Variants in MACROD2 observed in about 807,000 individuals in gnomAD.
The protein encoded by MACROD2 is mono-ADP ribosylhydrolase 2, also known as ADP-ribose glycohydrolase MACROD2.
MACROD2 carries 36 observed loss-of-function variants against 70.4 expected under a neutral mutation model. That is an observed-to-expected ratio of 0.51 (90% CI 0.39 to 0.68). The LOEUF (loss-of-function observed/expected upper bound fraction) is 0.68, where lower values mean the gene tolerates loss of function less well. Among genes scored for constraint, MACROD2 ranks in the 30% least tolerant of loss-of-function variants. The pLI is 0.00. For missense variants in MACROD2, 496 were observed against 538.4 expected, an observed-to-expected ratio of 0.92 and a Z score of 0.78; for synonymous variants, 172 against 178.8, an observed-to-expected ratio of 0.96 and a Z score of 0.30.
At chr20:14,375,402 G>A (rs1009080945) in intron 3 of MACROD2, among the ~76,000 whole-genome samples, 13 of 152,146 alleles carry the variant, frequency 8.5e-5, no homozygotes, top group African/African-American at 3.1e-4. Flanking sequence ...AAACATTAAA[G>A]GATACCCTGT....
chr20:14,713,691 A>G (rs1263093977), intron 5 of MACROD2, among the ~76,000 whole-genome samples: 1 of 152,210 alleles, frequency 6.6e-6, no homozygotes, highest in Non-Finnish European at 1.5e-5. Flanking sequence ...AAAAATATAC[A>G]ATAGGGCACT....
chr20:15,592,960 C>T (rs943445517), intron 8 of MACROD2, among the ~76,000 whole-genome samples: 1 of 151,894 alleles, frequency 6.6e-6, no homozygotes, highest in Non-Finnish European at 1.5e-5. Context: ...CAGAAGGAAC[C>T]CTTATGCCCC....
At position 15,233,983 on chromosome 20, in the gene MACROD2, T is replaced by TATATATATATATATATA. The variant is rs2076984620; in HGVS notation, c.540+3922_540+3923insATATATATATATATATA. Among the ~76,000 whole-genome samples the TATATATATATATATATA allele has an allele frequency of 6.8e-5, 3 of 44,016 alleles. 1 individual carries two copies. The highest frequency in any genetic ancestry group is 2.7e-4 in the African/African-American group (3 of 11,068). 28.9% of individuals were successfully genotyped at this position (44,016 alleles called of 152,430 possible). On this transcript the variant is annotated intron_variant, in intron 6 of 17. Transcript: ENST00000684519. ...AAAATTTATTTTTATATATATTTATTTATATATATATATATATATATATAT... is the reference window on the plus strand; with the variant it reads ...AAAATTTATTTTTATATATATTTATTATATATATATATATATATATATATATATATATATATATATAT...
chr20:14,796,928 T>C (rs2072516405), intron 5 of MACROD2, among the ~76,000 whole-genome samples: 1 of 152,060 alleles, frequency 6.6e-6, no homozygotes, highest in Admixed American at 6.6e-5. Flanking sequence ...CTCAACATTT[T>C]CTCTTAGATA....
intron 10 of MACROD2, among the ~76,000 whole-genome samples, chr20:15,907,703 T>C (rs2065169109): frequency 6.6e-6 from 1 of 152,210 alleles, no homozygotes; most frequent in Non-Finnish European, 1.5e-5. Context: ...CTAATTCTTC[T>C]CATTGGTGGT....
chr20:14,019,626 C>T (rs1356447243), intron 2 of MACROD2, among the ~76,000 whole-genome samples: 2 of 151,956 alleles, frequency 1.3e-5, no homozygotes, highest in Admixed American at 6.6e-5. Context: ...GGAATGGGTG[C>T]TGCTGATTGG....
chr20:15,333,126 G>C (rs749200059), intron 6 of MACROD2, among the ~76,000 whole-genome samples: 1 of 151,594 alleles, frequency 6.6e-6, no homozygotes, highest in Non-Finnish European at 1.5e-5. Context: ...ATGGTTCCCA[G>C]AGTGCAGTCC....
intron 5 of MACROD2, among the ~76,000 whole-genome samples, chr20:14,882,122 C>G (rs1343163617): frequency 2.6e-5 from 4 of 152,184 alleles, no homozygotes; most frequent in Admixed American, 2.0e-4. Flanking sequence ...CAGTCATGCC[C>G]TTATCCCACA....
intron 4 of MACROD2, among the ~76,000 whole-genome samples, chr20:14,641,269 C>T (rs1985075885): frequency 1.3e-5 from 2 of 152,276 alleles, no homozygotes; most frequent in Middle Eastern, 3.4e-3. Flanking sequence ...ATTTAGGCTC[C>T]ACATCTTCAG....
intron 6 of MACROD2, among the ~76,000 whole-genome samples, chr20:15,377,515 TCA>T (rs1255600774): frequency 2.0e-5 from 3 of 152,242 alleles, no homozygotes; most frequent in African/African-American, 7.2e-5. Flanking sequence ...TTAGTATTTC[TCA>T]TTTATCTTTC....
intron 3 of MACROD2, among the ~76,000 whole-genome samples, chr20:14,200,948 G>T (rs199878839): frequency 1.6e-4 from 23 of 143,504 alleles, no homozygotes; most frequent in Admixed American, 4.1e-4. Context: ...TGCTGGTAAT[G>T]TTTTTTTTTT....
intron 15 of MACROD2, among the ~76,000 whole-genome samples, chr20:16,002,878 T>C (rs1258672934): frequency 6.6e-6 from 1 of 152,184 alleles, no homozygotes; most frequent in African/African-American, 2.4e-5. Flanking sequence ...TCCTAGACTT[T>C]CCCACTGTCT....
chr20:14,515,713 G>T (rs950386255), intron 4 of MACROD2, among the ~76,000 whole-genome samples: 1 of 151,962 alleles, frequency 6.6e-6, no homozygotes, highest in African/African-American at 2.4e-5. Flanking sequence ...TGGGGATTTG[G>T]AGAGAAGAGG....
intron 5 of MACROD2, among the ~76,000 whole-genome samples, chr20:14,983,713 C>G (rs1336143894): frequency 6.6e-6 from 1 of 152,108 alleles, no homozygotes; most frequent in Non-Finnish European, 1.5e-5. Context: ...GTAAATTGCC[C>G]AGTCTCGGGT....
chr20:14,317,728 C>T (rs1046085813), intron 3 of MACROD2, among the ~76,000 whole-genome samples: 1 of 152,014 alleles, frequency 6.6e-6, no homozygotes, highest in African/African-American at 2.4e-5. Flanking sequence ...TGAACAGATA[C>T]TCAGTACATC....
chr20:15,552,568 A>G (rs943424107), intron 8 of MACROD2: 2 of 152,244 alleles, frequency 1.3e-5, no homozygotes, highest in African/African-American at 4.8e-5. Flanking sequence ...TGCAGCCTTC[A>G]TGGACAGTTC....
chr20:16,045,127 C>A (rs1057186053), intron 17 of MACROD2, among the ~76,000 whole-genome samples: 16 of 152,052 alleles, frequency 1.1e-4, no homozygotes, highest in African/African-American at 3.6e-4. Flanking sequence ...CACACCACTA[C>A]CTGTGGACCC....
chr20:14,638,179 T>A (rs1023008273), intron 4 of MACROD2, among the ~76,000 whole-genome samples: 2 of 152,196 alleles, frequency 1.3e-5, no homozygotes, highest in Non-Finnish European at 2.9e-5. Context: ...AGTTGAATTA[T>A]CTCTATCATG....
In MACROD2 at chr20:15,718,628, C is replaced by T. The variant is rs376655722; in HGVS notation, c.646-144117C>T. 2.6e-5 allele frequency among the ~76,000 whole-genome samples: 4 copies of T among 152,308 alleles called. No homozygotes were observed. The East Asian group carries it at 7.7e-4, about 29-fold the overall frequency. The stretch of plus-strand genomic sequence containing the variant: ...CAAGCCTTCCTCCTTAAAACCGACT[C>T]TCAGTCTTGAACGCCCAGAGGGAAG... On this transcript the variant is annotated intron_variant, in intron 8 of 17. Transcript: ENST00000684519.
Sources: allele counts gnomAD v4.1 joint callset (sites outside exome capture counted in the v4.1 genomes callset), GRCh38; gene constraint gnomAD v4.1.1; transcripts MANE v1.5; gene names NCBI Gene and HGNC (gene_info 2026-07-23, HGNC 2026-07-21).